WASHC2A: variants seen among roughly 807,000 people sequenced by gnomAD.
WASHC2A encodes the protein WASH complex subunit FAM21A.
A neutral mutation model predicts 140.3 loss-of-function variants in WASHC2A; 82 were observed. The observed-to-expected ratio is 0.58, with a 90% CI of 0.49 to 0.70. WASHC2A has a LOEUF of 0.70. Among genes scored for constraint, WASHC2A ranks in the 30% least tolerant of loss-of-function variants. The pLI is 0.00. For missense variants in WASHC2A, 985 were observed against 1,521.8 expected (o/e 0.65, Z 5.87); for synonymous variants, 340 against 560.8 (o/e 0.61, Z 5.56).
intron 8 of WASHC2A, among the ~76,000 whole-genome samples, chr10:50,090,037 G>A (rs2132534150): frequency 6.6e-6 from 1 of 151,216 alleles, no homozygotes; most frequent in Admixed American, 6.6e-5. Context: ...TTGAACCTAG[G>A]AGGCGGAGGT....
chr10:50,084,894 C>T (rs1390960523), intron 6 of WASHC2A, among the ~76,000 whole-genome samples: 3 of 143,190 alleles, frequency 2.1e-5, no homozygotes, highest in Non-Finnish European at 4.5e-5. Context: ...CACCACCACA[C>T]CTGGCTAATT....
intron 8 of WASHC2A, among the ~76,000 whole-genome samples, chr10:50,090,515 A>AAAATATATATATATTTATATTT (rs1214596899): frequency 9.2e-6 from 1 of 108,766 alleles, no homozygotes; most frequent in Admixed American, 1.2e-4. Flanking sequence ...AAAAAAAAAA[A>AAAATATATATATATTTATATTT]ATATATATAT....
In WASHC2A at chr10:50,091,549, G is replaced by C. The variant is rs1190897876; in HGVS notation, c.931+31G>C. The C allele has an allele frequency of 2.7e-3, 4,150 of 1,549,398 alleles. 81 individuals are homozygous for C. The African/African-American group carries it at 0.051, about 19-fold the overall frequency. ...CCCCAGCCGCGTTGATGGGGAGTAG[G>C]GGGGGAGTAGTGCAGGGCCCTCTGC... On this transcript the variant is annotated intron_variant, in intron 10 of 30. Coordinates refer to ENST00000282633, the MANE Select transcript of WASHC2A (RefSeq NM_001005751.3).
intron 5 of WASHC2A, among the ~76,000 whole-genome samples, chr10:50,083,837 G>A (rs1839158864): frequency 7.9e-6 from 1 of 127,056 alleles, no homozygotes; most frequent in Non-Finnish European, 1.6e-5. Context: ...AGGATTACAG[G>A]CGTGAGCCAT....
intron 21 of WASHC2A, among the ~76,000 whole-genome samples, chr10:50,114,344 TAGCC>T (rs1210464863): frequency 1.1e-5 from 1 of 93,204 alleles, no homozygotes; most frequent in Non-Finnish European, 2.2e-5. Flanking sequence ...TGGTTTATAT[TAGCC>T]AGTCAGTAAA....
chr10:50,129,963 A>G lies in WASHC2A; in HGVS notation c.3632A>G (p.Asp1211Gly). 6.2e-6 allele frequency: 10 copies of G among 1,612,030 alleles called. No homozygotes were observed. The highest frequency in any genetic ancestry group is 6.8e-6 in the Non-Finnish European group (8 of 1,179,866). ...GAAGATGAGGATGACCTCTTTACAGATCAGAAAGTCAAGAAGAATGAGACA... is the reference window on the plus strand; with the variant it reads ...GAAGATGAGGATGACCTCTTTACAGGTCAGAAAGTCAAGAAGAATGAGACA... ...LLEDEDDLFTDQKVKKNETKS... is the reference protein window; with the variant it reads ...LLEDEDDLFTGQKVKKNETKS... Residue 1211 changes from aspartate to glycine, a missense_variant, in exon 29 of 31, where the codon GAT becomes GGT. Transcript: ENST00000282633.
intron 21 of WASHC2A, among the ~76,000 whole-genome samples, chr10:50,115,852 A>G (rs1361930882): frequency 6.6e-6 from 1 of 151,792 alleles, no homozygotes; most frequent in Non-Finnish European, 1.5e-5. Context: ...GTGGTGGCTC[A>G]CGCCTGTAAT....
chr10:50,088,927 A>G (rs1460397006), intron 8 of WASHC2A, among the ~76,000 whole-genome samples: 3 of 109,172 alleles, frequency 2.7e-5, no homozygotes, highest in Non-Finnish European at 5.7e-5. Flanking sequence ...ATTTCCTATT[A>G]AGATCTGTAA....
At chr10:50,124,179 A>G (rs1214062692) in intron 23 of WASHC2A, among the ~76,000 whole-genome samples, 3 of 152,032 alleles carry the variant, frequency 2.0e-5, no homozygotes, top group Admixed American at 2.0e-4. Flanking sequence ...ATCTCGGCCC[A>G]CTGCAGCCTC....
chr10:50,111,603 G>A (rs2132887806), intron 20 of WASHC2A, among the ~76,000 whole-genome samples: 1 of 152,352 alleles, frequency 6.6e-6, no homozygotes, highest in Admixed American at 6.5e-5. Flanking sequence ...GAGCCCTCAG[G>A]TATTGCCAGT....
Position 50,121,218 on chromosome 10 carries a change from G to C in WASHC2A, c.2478+1449G>C, listed in dbSNP as rs1480405229. Among the ~76,000 whole-genome samples, 46 of 150,380 alleles carry C rather than the reference G, an allele frequency of 3.1e-4. 3 individuals carry two copies. The highest frequency in any genetic ancestry group is 1.1e-3 in the African/African-American group (44 of 39,722). On this transcript the variant is annotated intron_variant, in intron 23 of 30. Coordinates refer to ENST00000282633, the MANE Select transcript of WASHC2A (RefSeq NM_001005751.3). Reference sequence around the variant, plus strand: ...AAGTGAAATGAAGCAATCTGTATTTGCAGATGGCATGATCTTTTATATAGA... The same window carrying C: ...AAGTGAAATGAAGCAATCTGTATTTCCAGATGGCATGATCTTTTATATAGA...
At chr10:50,079,747 G>A (rs1467601715) in intron 4 of WASHC2A, among the ~76,000 whole-genome samples, 1 of 152,016 alleles carries the variant, frequency 6.6e-6, no homozygotes, top group Non-Finnish European at 1.5e-5. Flanking sequence ...CCATTTAAGT[G>A]CAGTAGTATC....
Position 50,129,756 on chromosome 10 carries a change from C to T in WASHC2A, c.3425C>T (p.Ser1142Phe). 6.2e-7 allele frequency: 1 copy of T among 1,612,032 alleles called. No homozygotes were observed. Among genetic ancestry groups the T allele is most frequent in the Non-Finnish European group, 8.5e-7 (1 of 1,179,874 alleles). ...SGDIFSTGTG[S>F]QSVERTKPKA... ...GACATCTTTTCCACGGGCACTGGAT[C>T]TCAGTCTGTGGAGAGAACAAAACCC... Residue 1142 changes from serine (S) to phenylalanine (F), a missense_variant, in exon 29 of 31, where the codon TCT (serine) becomes TTT (phenylalanine). Physicochemically the swap from Ser to Phe is radical, Grantham distance 155. Coordinates refer to ENST00000282633, the MANE Select transcript of WASHC2A (RefSeq NM_001005751.3).
At chr10:50,098,247 C>T (rs1352289799) in intron 16 of WASHC2A, among the ~76,000 whole-genome samples, 6 of 151,980 alleles carry the variant, frequency 3.9e-5, no homozygotes, top group Admixed American at 3.3e-4. Flanking sequence ...GCTCCAGTTG[C>T]CCCAGAATGT....
intron 8 of WASHC2A, among the ~76,000 whole-genome samples, chr10:50,089,637 T>C (rs1334709647): frequency 6.6e-6 from 1 of 152,210 alleles, no homozygotes; most frequent in Non-Finnish European, 1.5e-5. Context: ...CTGTAGTGTT[T>C]GCAGAGGGGG....
chr10:50,078,871 G>C (rs2132408968), intron 4 of WASHC2A, 134 bp downstream of exon 4: 1 of 1,554,352 alleles, frequency 6.4e-7, no homozygotes, highest in East Asian at 2.3e-5. Context: ...AGCAGCCCAA[G>C]AGGGGATTCT....
In WASHC2A at chr10:50,087,121, A is replaced by G. The variant is rs574716221; in HGVS notation, c.685-154A>G. Among the ~76,000 whole-genome samples, 5 of 147,418 alleles carry G rather than the reference A, an allele frequency of 3.4e-5. No individual in the cohort carries two copies. The South Asian group carries it at 8.8e-4, about 26-fold the overall frequency. Reference sequence around the variant, plus strand: ...CCAGCTTATCTGCACCTTGATACTTAAGGTGACCAGTAGTCAGTACAAAGA... The same window carrying G: ...CCAGCTTATCTGCACCTTGATACTTGAGGTGACCAGTAGTCAGTACAAAGA... On this transcript the variant is annotated intron_variant, in intron 7 of 30. Coordinates refer to ENST00000282633, the MANE Select transcript of WASHC2A (RefSeq NM_001005751.3).
chr10:50,097,947 A>G, intron 16 of WASHC2A, 145 bp downstream of exon 16: 1 of 839,094 alleles, frequency 1.2e-6, no homozygotes, highest in East Asian at 2.7e-5. Flanking sequence ...TGCAGTGAAC[A>G]CCCAAATAAC....
intron 3 of WASHC2A, among the ~76,000 whole-genome samples, chr10:50,070,468 G>A (rs1232019059): frequency 5.9e-5 from 9 of 152,152 alleles, no homozygotes; most frequent in Non-Finnish European, 1.3e-4. Flanking sequence ...TAAAGTAAGC[G>A]ATCTCCTGAG....
Sources: allele counts gnomAD v4.1 joint callset (sites outside exome capture counted in the v4.1 genomes callset), GRCh38; gene constraint gnomAD v4.1.1; transcripts MANE v1.5; gene names NCBI Gene and HGNC (gene_info 2026-07-23, HGNC 2026-07-21).